The following FAM81A variants were observed in gnomAD, a reference collection of about 807,000 sequenced individuals.
FAM81A encodes protein FAM81A.
In FAM81A, 19 loss-of-function variants were observed where a neutral mutation model predicts 46.7. That is an observed-to-expected ratio of 0.41 (90% CI 0.28 to 0.60). The LOEUF (loss-of-function observed/expected upper bound fraction) is 0.60, where lower values mean the gene tolerates loss of function less well. Ranked by LOEUF, FAM81A falls within the 20% of genes least tolerant of loss-of-function variation. FAM81A has a pLI of 0.34. For missense variants in FAM81A, 377 were observed against 453.5 expected (o/e 0.83, Z 1.53); for synonymous variants, 183 against 152.9 (o/e 1.20, Z -1.45).
At chr15:59,474,057 T>A (rs189948270) in intron 3 of FAM81A, among the ~76,000 whole-genome samples, 1 of 152,284 alleles carries the variant, frequency 6.6e-6, no homozygotes, top group Non-Finnish European at 1.5e-5. Context: ...TAGGAAGCCC[T>A]CCTTGCCAGT....
chr15:59,460,294 C>A lies in FAM81A; in HGVS notation c.294+88C>A. 1 of 1,518,266 alleles carries A rather than the reference C, an allele frequency of 6.6e-7. No homozygotes were observed. Among genetic ancestry groups the A allele is most frequent in the Non-Finnish European group, 9.1e-7 (1 of 1,095,556 alleles). The allele number at this position is 1,518,266 out of a possible 1,614,324, so 94.0% of individuals were successfully genotyped here. On this transcript the variant is annotated intron_variant, in intron 3 of 8. Transcript: ENST00000288228. The surrounding 1 kb of genome is among the most constrained non-coding windows in gnomAD (Gnocchi z 4.4). ...GTCACCCACATCTAACTCCTACCTC[C>A]CAGGCAGTACTGCATTTAGAACAAA...
intron 6 of FAM81A, among the ~76,000 whole-genome samples, chr15:59,510,316 C>T (rs909578870): frequency 4.0e-5 from 6 of 150,888 alleles, no homozygotes; most frequent in African/African-American, 1.5e-4. Flanking sequence ...CAGCAGTGAG[C>T]CGAGATCACA....
intron 3 of FAM81A, among the ~76,000 whole-genome samples, chr15:59,491,019 A>G (rs1321283596): frequency 1.3e-5 from 2 of 152,226 alleles, no homozygotes; most frequent in Non-Finnish European, 1.5e-5. Context: ...ACCTCACAAA[A>G]CTAAAACAGA....
intron 2 of FAM81A, among the ~76,000 whole-genome samples, chr15:59,429,782 C>T (rs1367880034): frequency 6.6e-6 from 1 of 152,124 alleles, no homozygotes; most frequent in African/African-American, 2.4e-5. Context: ...ATCAATTAGA[C>T]CTTTATTTTT....
chr15:59,467,064 A>G (rs1161268107), intron 3 of FAM81A, among the ~76,000 whole-genome samples: 1 of 152,104 alleles, frequency 6.6e-6, no homozygotes, highest in Non-Finnish European at 1.5e-5. Context: ...CCATTGGTCT[A>G]TATGTCTGTT....
intron 1 of FAM81A, among the ~76,000 whole-genome samples, chr15:59,450,699 GAAC>G (rs1214404765): frequency 2.6e-5 from 4 of 152,064 alleles, no homozygotes; most frequent in Non-Finnish European, 4.4e-5. Context: ...CATATATTAA[GAAC>G]AACAACAACA....
At chr15:59,420,528 G>A (rs2081167015) in intron 2 of FAM81A, among the ~76,000 whole-genome samples, 1 of 152,210 alleles carries the variant, frequency 6.6e-6, no homozygotes, top group Non-Finnish European at 1.5e-5. Context: ...CCAGTTGCAT[G>A]TTGTTGCATA....
chr15:59,466,567 T>G (rs530844372), intron 3 of FAM81A, among the ~76,000 whole-genome samples: 54 of 151,460 alleles, frequency 3.6e-4, no homozygotes, highest in African/African-American at 9.6e-4. Context: ...GTTTTTTTCT[T>G]GTAAATTTGT....
intron 3 of FAM81A, among the ~76,000 whole-genome samples, chr15:59,463,477 C>T (rs894501067): frequency 1.3e-5 from 2 of 151,964 alleles, no homozygotes; most frequent in Non-Finnish European, 2.9e-5. Flanking sequence ...TTTGCATTTT[C>T]GTTTAAATTT....
intron 3 of FAM81A, among the ~76,000 whole-genome samples, chr15:59,490,548 T>C (rs1335240503): frequency 6.6e-6 from 1 of 152,144 alleles, no homozygotes; most frequent in African/African-American, 2.4e-5. Context: ...ACATGAGATA[T>C]TGGCTGAGTG....
At chr15:59,481,186 C>T (rs2081845845) in intron 3 of FAM81A, among the ~76,000 whole-genome samples, 1 of 151,980 alleles carries the variant, frequency 6.6e-6, no homozygotes, top group Non-Finnish European at 1.5e-5. Flanking sequence ...TGTGTAGAGA[C>T]AGGGTTTCAC....
intron 1 of FAM81A, among the ~76,000 whole-genome samples, chr15:59,455,821 C>G (rs2081476992): frequency 1.3e-5 from 2 of 151,740 alleles, no homozygotes; most frequent in South Asian, 4.2e-4. Context: ...CCCATTCTTT[C>G]AGATACTTAT....
chr15:59,476,430 A>G (rs547868271), intron 3 of FAM81A, among the ~76,000 whole-genome samples: 1 of 152,222 alleles, frequency 6.6e-6, no homozygotes, highest in Non-Finnish European at 1.5e-5. Context: ...AGTCCGTAAC[A>G]ATGATGTAGA....
At chr15:59,499,063 G>T (rs1166268334) in intron 4 of FAM81A, among the ~76,000 whole-genome samples, 2 of 152,050 alleles carry the variant, frequency 1.3e-5, no homozygotes, top group African/African-American at 2.4e-5. Flanking sequence ...ATCATGAAGG[G>T]GATTGGATTT....
chr15:59,516,649 C>T lies in FAM81A; in HGVS notation c.791C>T (p.Ala264Val), dbSNP rs1334445872. The change falls in exon 8 of 9, where the codon GCC becomes GTC. Residue 264 changes from alanine to valine, a missense_variant. Transcript: ENST00000288228. ...LSLIVKENSG[A>V]SERDMEKKLS... ...AGTTCTTATCATGGATCTCAGGGAG[C>T]CAGTGAAAGGGATATGGAGAAGAAG... The T allele has an allele frequency of 1.2e-6, 2 of 1,608,720 alleles. No homozygotes were observed. The highest frequency in any genetic ancestry group is 4.5e-5 in the East Asian group (2 of 44,784).
intron 3 of FAM81A, among the ~76,000 whole-genome samples, chr15:59,472,664 C>T (rs2081710386): frequency 6.6e-6 from 1 of 152,056 alleles, no homozygotes; most frequent in Admixed American, 6.6e-5. Context: ...GATCCTCCCA[C>T]CTCAGCCTCC....
intron 3 of FAM81A, among the ~76,000 whole-genome samples, chr15:59,465,020 TCTTTTGCATATGGATGTCCAGCTTTCC>T (rs1284145466): frequency 2.6e-5 from 4 of 152,194 alleles, no homozygotes; most frequent in Non-Finnish European, 5.9e-5. Context: ...CTAGTTTAAT[TCTTTTGCATATGGATGTCCAGCTTTCC>T]CAGCACCATT....
At chr15:59,486,663 A>C (rs4774336) in intron 3 of FAM81A, among the ~76,000 whole-genome samples, 119,227 of 151,994 alleles carry the variant, frequency 0.78, 47,301 homozygotes, top group Admixed American at 0.87. Context: ...GCAACAAGAC[A>C]AAAGAAACAA....
intron 3 of FAM81A, among the ~76,000 whole-genome samples, chr15:59,480,684 A>T (rs2081839205): frequency 6.6e-6 from 1 of 152,174 alleles, no homozygotes; most frequent in Non-Finnish European, 1.5e-5. Context: ...GATGCTCAGC[A>T]CACAGTAGGT....
Sources: gnomAD v4.1 joint callset for allele counts (sites outside exome capture counted in the v4.1 genomes callset) on GRCh38, gnomAD v4.1.1 for gene constraint, Gnocchi (gnomAD v3.1) non-coding constraint, MANE v1.5 for transcripts, NCBI Gene and HGNC (gene_info 2026-07-23, HGNC 2026-07-21) for gene names.